MAEA: variants seen among roughly 807,000 people sequenced by gnomAD.
MAEA encodes the protein macrophage erythroblast attacher, E3 ubiquitin ligase.
MAEA carries 22 observed loss-of-function variants against 46.2 expected under a neutral mutation model. The observed-to-expected ratio is 0.48, with a 90% CI of 0.34 to 0.68. The LOEUF is 0.68. Ranked by LOEUF, MAEA falls within the 30% of genes least tolerant of loss-of-function variation. MAEA has a pLI of 0.01. For synonymous variants in MAEA, 246 were observed against 222.6 expected (o/e 1.11, Z -0.94); for missense variants, 393 against 558.1 (o/e 0.70, Z 2.98).
intron 3 of MAEA, among the ~76,000 whole-genome samples, chr4:1,320,993 G>A (rs887132519): frequency 2.6e-5 from 4 of 152,212 alleles, no homozygotes; most frequent in Non-Finnish European, 4.4e-5. Flanking sequence ...CCAGCTACCC[G>A]GGAGGCCAAG....
rs754378257 is a variant in MAEA at position 1,311,203 on chromosome 4, G to A, written c.70-776G>A. The stretch of plus-strand genomic sequence containing the variant: ...CTGATGCGCTGTGTGGTGAGCTGCC[G>A]GCCACCAGTGCAGCCAGGACCGCAG... On this transcript the variant is annotated intron_variant, in intron 1 of 8. Transcript: ENST00000303400. This position sits in a 1 kb window ranked among gnomAD's most constrained non-coding sequence, Gnocchi z 4.4. Among the ~76,000 whole-genome samples the A allele has an allele frequency of 8.5e-5, 13 of 152,208 alleles. No homozygotes were observed. The highest frequency in any genetic ancestry group is 2.1e-4 in the South Asian group (1 of 4,836).
intron 1 of MAEA, among the ~76,000 whole-genome samples, chr4:1,307,549 G>C (rs1735950737): frequency 6.6e-6 from 1 of 152,222 alleles, no homozygotes; most frequent in African/African-American, 2.4e-5. Flanking sequence ...TGTCCCCAGG[G>C]GGACGGAACT....
chr4:1,326,113 C>T (rs1023118392), intron 4 of MAEA, among the ~76,000 whole-genome samples: 46 of 152,290 alleles, frequency 3.0e-4, no homozygotes, highest in African/African-American at 7.7e-4. Context: ...GGGTGCTATG[C>T]GTGTCGGGGC....
intron 6 of MAEA, chr4:1,335,292 A>G: frequency 5.1e-6 from 5 of 985,512 alleles, no homozygotes; most frequent in Non-Finnish European, 6.0e-6. Context: ...CTGTCCTTCC[A>G]GCTGTGTGAG....
At chr4:1,292,050 C>G (rs1734154006) in intron 1 of MAEA, among the ~76,000 whole-genome samples, 1 of 152,142 alleles carries the variant, frequency 6.6e-6, no homozygotes, top group East Asian at 1.9e-4. Flanking sequence ...GCTCACAGCT[C>G]AAGAGCTGCA....
At position 1,338,415 on chromosome 4, in the gene MAEA, T is replaced by C; in HGVS notation, c.900-7T>C. On this transcript the variant is annotated splice_region_variant and splice_polypyrimidine_tract_variant and intron_variant, in intron 7 of 8. Transcript: ENST00000303400. ...GGCCCCCAACCCTTCCTTGACCCGATGCTCAGACAGTGCTACAAGGAGGAC... is the reference window on the plus strand; with the variant it reads ...GGCCCCCAACCCTTCCTTGACCCGACGCTCAGACAGTGCTACAAGGAGGAC... The C allele has an allele frequency of 6.2e-7, 1 of 1,606,678 alleles. No individual in the cohort carries two copies. Among genetic ancestry groups the C allele is most frequent in the Non-Finnish European group, 8.5e-7 (1 of 1,175,030 alleles).
chr4:1,311,306 G>A lies in MAEA; in HGVS notation c.70-673G>A, dbSNP rs540645671. On this transcript the variant is annotated intron_variant, in intron 1 of 8. Transcript: ENST00000303400. This position sits in a 1 kb window ranked among gnomAD's most constrained non-coding sequence, Gnocchi z 4.4. ...GATTCTGTCGTGCCGCTTTCAAACCGTAGAGCACAGGAAACGGGCGGAGAA... is the reference window on the plus strand; with the variant it reads ...GATTCTGTCGTGCCGCTTTCAAACCATAGAGCACAGGAAACGGGCGGAGAA... 4.8e-4 allele frequency among the ~76,000 whole-genome samples: 73 copies of A among 152,366 alleles called. No homozygotes were observed. The highest frequency in any genetic ancestry group is 1.6e-3 in the African/African-American group (66 of 41,578).
At chr4:1,306,467 A>G (rs897578942) in intron 1 of MAEA, among the ~76,000 whole-genome samples, 1 of 152,154 alleles carries the variant, frequency 6.6e-6, no homozygotes, top group Non-Finnish European at 1.5e-5. Context: ...GTGAGCCGAG[A>G]TCACGCTATT....
At chr4:1,336,824 G>A (rs902596793) in intron 6 of MAEA, 37 bp from the exon 7 acceptor site, 1 of 1,598,300 alleles carries the variant, frequency 6.3e-7, no homozygotes, top group Non-Finnish European at 8.5e-7. Flanking sequence ...AGCTTCCCTG[G>A]GAGCATCCCC....
chr4:1,339,387 C>T lies in MAEA; in HGVS notation c.*218C>T, dbSNP rs1019885329. 1.8e-6 allele frequency: 1 copy of T among 560,314 alleles called. No individual in the cohort carries two copies. Among genetic ancestry groups the T allele is most frequent in the African/African-American group, 1.9e-5 (1 of 52,874 alleles). The allele number at this position is 560,314 out of a possible 1,614,324, so 34.7% of individuals were successfully genotyped here. A position where few individuals can be genotyped will look rare whatever the true frequency, so the allele number is the denominator to read the frequency against. On this transcript the variant is annotated 3_prime_UTR_variant, in exon 9 of 9. Coordinates refer to ENST00000303400, the MANE Select transcript of MAEA (RefSeq NM_001017405.3). ...TTGGTAGGATTTTGTAACACGTCAA[C>T]CATTTGATGCTTCTGAAAAGTACTT...
intron 1 of MAEA, among the ~76,000 whole-genome samples, chr4:1,300,738 G>A (rs947789904): frequency 2.6e-5 from 4 of 152,274 alleles, no homozygotes; most frequent in African/African-American, 9.6e-5. Context: ...GCACACAACA[G>A]GGAGCGCAGA....
rs1261483962 is a variant in MAEA, at chr4:1,339,875, C to T, written c.*706C>T. 1.3e-5 allele frequency: 2 copies of T among 152,770 alleles called. No individual in the cohort carries two copies. The highest frequency in any genetic ancestry group is 1.9e-4 in the East Asian group (1 of 5,202). 9.5% of individuals were successfully genotyped at this position (152,770 alleles called of 1,614,324 possible). A position where few individuals can be genotyped will look rare whatever the true frequency, so the allele number is the denominator to read the frequency against. On this transcript the variant is annotated 3_prime_UTR_variant, in exon 9 of 9. Coordinates refer to ENST00000303400, the MANE Select transcript of MAEA (RefSeq NM_001017405.3). ...TACTTCCTGCTTCGAGAATGTATAA[C>T]GTGGAAATCCACGGGACCAAATTTC...
At chr4:1,336,752 G>C in intron 6 of MAEA, 109 bp from the exon 7 acceptor site, 1 of 1,021,480 alleles carries the variant, frequency 9.8e-7, no homozygotes, top group East Asian at 2.5e-5. Flanking sequence ...GGGTCACTGG[G>C]GGATGGCTGT....
At chr4:1,323,216 A>T (rs1380808707) in intron 4 of MAEA, among the ~76,000 whole-genome samples, 2 of 152,236 alleles carry the variant, frequency 1.3e-5, no homozygotes, top group South Asian at 2.1e-4. Flanking sequence ...AAGTGCTGGG[A>T]TTACAGGCGT....
chr4:1,310,270 G>C (rs906574268), intron 1 of MAEA, among the ~76,000 whole-genome samples: 2 of 152,222 alleles, frequency 1.3e-5, no homozygotes, highest in African/African-American at 4.8e-5. Context: ...CGTTGAGCTC[G>C]CTTGCACTGG....
Position 1,339,755 on chromosome 4 carries a change from G to A in MAEA, c.*586G>A, listed in dbSNP as rs537728234. Reference sequence around the variant, plus strand: ...CGCCTGCCTCGCGGGTCGTGTCCGCGGGACTGTGTTCGTACGTGCATAGTT... The same window carrying A: ...CGCCTGCCTCGCGGGTCGTGTCCGCAGGACTGTGTTCGTACGTGCATAGTT... On this transcript the variant is annotated 3_prime_UTR_variant, in exon 9 of 9. Coordinates refer to ENST00000303400, the MANE Select transcript of MAEA (RefSeq NM_001017405.3). 3 of 155,184 alleles carry A rather than the reference G, an allele frequency of 1.9e-5. No individual in the cohort carries two copies. Among genetic ancestry groups the A allele is most frequent in the East Asian group, 3.8e-4 (2 of 5,216 alleles). The allele number at this position is 155,184 out of a possible 1,614,324, so 9.6% of individuals were successfully genotyped here. A position where few individuals can be genotyped will look rare whatever the true frequency, so the allele number is the denominator to read the frequency against.
chr4:1,295,630 C>T (rs1734556871), intron 1 of MAEA, among the ~76,000 whole-genome samples: 1 of 148,502 alleles, frequency 6.7e-6, no homozygotes, highest in African/African-American at 2.5e-5. Flanking sequence ...GGATGAGCCC[C>T]ATCACCCGTA....
At chr4:1,315,240 C>G (rs923251106) in intron 2 of MAEA, among the ~76,000 whole-genome samples, 157 bp from the exon 3 acceptor site, 1 of 152,188 alleles carries the variant, frequency 6.6e-6, no homozygotes, top group African/African-American at 2.4e-5. Flanking sequence ...GCCAGGCACA[C>G]CTGCCTAGCG....
At chr4:1,320,397 A>G (rs552824386) in intron 3 of MAEA, among the ~76,000 whole-genome samples, 2 of 151,404 alleles carry the variant, frequency 1.3e-5, no homozygotes, top group African/African-American at 4.9e-5. Context: ...AGAATCATCA[A>G]CATGCAGGAA....
Sources: gnomAD v4.1 joint callset for allele counts (sites outside exome capture counted in the v4.1 genomes callset) on GRCh38, gnomAD v4.1.1 for gene constraint, Gnocchi (gnomAD v3.1) non-coding constraint, MANE v1.5 for transcripts, NCBI Gene and HGNC (gene_info 2026-07-23, HGNC 2026-07-21) for gene names.